Variants in ZXDC observed in about 807,000 individuals in gnomAD.
The protein encoded by ZXDC is zinc finger protein ZXDC.
In ZXDC, 58 loss-of-function variants were observed where a neutral mutation model predicts 63.6. That is an observed-to-expected ratio of 0.91 (90% CI 0.74 to 1.13). ZXDC has a LOEUF of 1.13. Among genes scored for constraint, ZXDC ranks in the 50% most tolerant of loss-of-function variants. The pLI is 0.00. For missense variants in ZXDC, 1,133 were observed against 1,148.9 expected, an observed-to-expected ratio of 0.99 and a Z score of 0.20; for synonymous variants, 561 against 496.1, an observed-to-expected ratio of 1.13 and a Z score of -1.74.
chr3:126,452,541 A>G, intron 7 of ZXDC: 2 of 985,434 alleles, frequency 2.0e-6, no homozygotes, highest in South Asian at 4.7e-5. Flanking sequence ...GGATTTGTTG[A>G]GAGAATAATA....
intron 6 of ZXDC, chr3:126,460,454 A>G (rs1934479977): frequency 1.0e-6 from 1 of 984,954 alleles, no homozygotes. Context: ...AAGAAAATGA[A>G]CACGGGGTTA....
chr3:126,441,664 T>G (rs1576659128), intron 8 of ZXDC, 101 bp downstream of exon 8: 7 of 1,429,522 alleles, frequency 4.9e-6, no homozygotes, highest in Admixed American at 2.6e-5. Flanking sequence ...AGGCAGGGGG[T>G]GCTGCGATGG....
At chr3:126,466,067 A>G in intron 5 of ZXDC, 88 bp downstream of exon 5, 11 of 1,471,970 alleles carry the variant, frequency 7.5e-6, no homozygotes, top group Non-Finnish European at 9.2e-6. Context: ...ACGCCTTCCA[A>G]GAGGTGAAGA....
chr3:126,440,725 C>T (rs949774198), intron 8 of ZXDC: 2 of 985,902 alleles, frequency 2.0e-6, no homozygotes, highest in Non-Finnish European at 2.4e-6. Flanking sequence ...CAAGCTTCAG[C>T]CCCCATCTGA....
chr3:126,450,249 G>A (rs1404548109), intron 7 of ZXDC: 22 of 439,394 alleles, frequency 5.0e-5, no homozygotes, highest in Admixed American at 4.4e-4. Flanking sequence ...AACCTTGGAT[G>A]CGTAAGGGTC....
intron 6 of ZXDC, 118 bp from the exon 7 acceptor site, chr3:126,459,855 G>A: frequency 6.4e-7 from 1 of 1,574,436 alleles, no homozygotes; most frequent in Admixed American, 1.8e-5. Flanking sequence ...CAAAACCAGA[G>A]TCACCAGCAA....
intron 7 of ZXDC, among the ~76,000 whole-genome samples, chr3:126,447,701 T>C (rs1933933546): frequency 6.6e-6 from 1 of 152,240 alleles, no homozygotes. Flanking sequence ...AGTTGATTCA[T>C]ATTTGTGATG....
In ZXDC at chr3:126,438,178, T is replaced by C. The variant is rs193085490; in HGVS notation, c.*197A>G. The C allele has an allele frequency of 1.7e-6, 1 of 603,398 alleles. No individual in the cohort carries two copies. Among genetic ancestry groups the C allele is most frequent in the East Asian group, 2.8e-5 (1 of 35,806 alleles). 37.4% of individuals were successfully genotyped at this position (603,398 alleles called of 1,614,324 possible). On this transcript the variant is annotated 3_prime_UTR_variant, in exon 10 of 10. Transcript: ENST00000389709. Reference sequence around the variant, plus strand: ...AAGCACTTTGCTCACAAAGGCAGTTTCAAAGAGTATAGCCCGAACTCATTC... The same window carrying C: ...AAGCACTTTGCTCACAAAGGCAGTTCCAAAGAGTATAGCCCGAACTCATTC...
intron 8 of ZXDC, 83 bp from the exon 9 acceptor site, chr3:126,439,810 A>G (rs1933610344): frequency 6.8e-7 from 1 of 1,477,480 alleles, no homozygotes; most frequent in Non-Finnish European, 9.0e-7. Flanking sequence ...AGTCTCCTCC[A>G]GCTGCAATGC....
Position 126,466,345 on chromosome 3 carries a change from G to T in ZXDC, c.1271-20C>A, listed in dbSNP as rs1283130677. On this transcript the variant is annotated intron_variant, in intron 4 of 9. Coordinates refer to ENST00000389709, the MANE Select transcript of ZXDC (RefSeq NM_025112.5). ...AACATCCTGGAACAAAAAGAGTAAT[G>T]AGAGTGAAACCCAAGGATCACCAAG... 1.2e-6 allele frequency: 2 copies of T among 1,614,022 alleles called. No individual in the cohort carries two copies. Among genetic ancestry groups the T allele is most frequent in the Admixed American group, 1.7e-5 (1 of 60,002 alleles).
intron 7 of ZXDC, among the ~76,000 whole-genome samples, chr3:126,444,434 A>G (rs1291350297): frequency 6.6e-6 from 1 of 152,102 alleles, no homozygotes; most frequent in Admixed American, 6.5e-5. Flanking sequence ...CGGGAGGCTG[A>G]GGCAGGAGAA....
intron 5 of ZXDC, among the ~76,000 whole-genome samples, chr3:126,465,278 C>T (rs780378206): frequency 8.5e-5 from 13 of 152,366 alleles, no homozygotes; most frequent in South Asian, 2.1e-4. Flanking sequence ...CCAGAGGGGC[C>T]GCCACCACAG....
chr3:126,465,053 C>T (rs1179303560), intron 5 of ZXDC, among the ~76,000 whole-genome samples: 1 of 152,210 alleles, frequency 6.6e-6, no homozygotes, highest in East Asian at 1.9e-4. Context: ...CTTGCCAACG[C>T]GGCAGCTGTG....
At chr3:126,463,194 G>A (rs1297942394) in intron 5 of ZXDC, among the ~76,000 whole-genome samples, 5 of 151,914 alleles carry the variant, frequency 3.3e-5, no homozygotes, top group South Asian at 4.2e-4. Context: ...TCAGCTCCCC[G>A]AGTAACTGGG....
chr3:126,446,012 G>A (rs1159672421), intron 7 of ZXDC, among the ~76,000 whole-genome samples: 1 of 152,166 alleles, frequency 6.6e-6, no homozygotes, highest in Non-Finnish European at 1.5e-5. Flanking sequence ...GTCCTCACTA[G>A]TAAAGGGCGC....
chr3:126,471,771 A>G (rs1398648076), intron 3 of ZXDC, among the ~76,000 whole-genome samples: 1 of 152,108 alleles, frequency 6.6e-6, no homozygotes, highest in Non-Finnish European at 1.5e-5. Context: ...TAAAAAAAGT[A>G]TACACAGAAA....
intron 7 of ZXDC, chr3:126,451,372 G>A: frequency 2.0e-6 from 2 of 985,382 alleles, no homozygotes; most frequent in Non-Finnish European, 2.4e-6. Flanking sequence ...CTGGACATTT[G>A]AGTTACAAAT....
intron 7 of ZXDC, among the ~76,000 whole-genome samples, chr3:126,455,996 T>C (rs1269435066): frequency 6.7e-6 from 1 of 149,492 alleles, no homozygotes; most frequent in African/African-American, 2.5e-5. Context: ...CAAGACTCCA[T>C]CTCAAAAAAA....
chr3:126,438,419 T>C lies in ZXDC; in HGVS notation c.2533A>G (p.Thr845Ala), dbSNP rs1205539586. 1 of 1,613,906 alleles carries C rather than the reference T, an allele frequency of 6.2e-7. No homozygotes were observed. Among genetic ancestry groups the C allele is most frequent in the Non-Finnish European group, 8.5e-7 (1 of 1,179,940 alleles). ...TTGATAGTGCTTCCTGGGAACTGGG[T>C]GGCCTCCGGTCCAGCAGGGCCTCCA... is the stretch of plus-strand genomic sequence containing the variant. Reference protein sequence around the residue: ...SSGGPAGPEATQFPGSTINLQ... With the variant: ...SSGGPAGPEAAQFPGSTINLQ... The change falls in exon 10 of 10, where the codon ACC (threonine) becomes GCC (alanine). Residue 845 changes from threonine to alanine, a missense_variant. Physicochemically the swap from Thr to Ala is moderately conservative, Grantham distance 58 (BLOSUM62 0). Coordinates refer to ENST00000389709, the MANE Select transcript of ZXDC (RefSeq NM_025112.5).
Sources: gnomAD v4.1 joint callset for allele counts (sites outside exome capture counted in the v4.1 genomes callset) on GRCh38, gnomAD v4.1.1 for gene constraint, MANE v1.5 for transcripts, NCBI Gene and HGNC (gene_info 2026-07-23, HGNC 2026-07-21) for gene names.